Variants in RYR2 observed in about 807,000 individuals in gnomAD.
RYR2 encodes the protein ryanodine receptor 2.
Under a neutral mutation model 601.1 loss-of-function variants are expected in RYR2, and 227 were observed. The observed-to-expected ratio is 0.38, with a 90% CI of 0.34 to 0.42. RYR2 has a LOEUF of 0.42. Among genes scored for constraint, RYR2 ranks in the 10% least tolerant of loss-of-function variants. The pLI is 1.00. For missense variants in RYR2, 4,646 were observed against 6,156.5 expected (o/e 0.75, Z 8.21); for synonymous variants, 2,223 against 2,175.1 (o/e 1.02, Z -0.61).
intron 1 of RYR2, among the ~76,000 whole-genome samples, chr1:237,236,993 T>A (rs1434949024): frequency 6.6e-6 from 1 of 152,138 alleles, no homozygotes; most frequent in Non-Finnish European, 1.5e-5. Flanking sequence ...GGTAGGTGGA[T>A]TCTCCCATGC....
chr1:237,631,470 A>T lies in RYR2; in HGVS notation c.6484A>T (p.Met2162Leu). The T allele has an allele frequency of 1.3e-6, 2 of 1,591,224 alleles. No homozygotes were observed. Among genetic ancestry groups the T allele is most frequent in the Non-Finnish European group, 8.6e-7 (1 of 1,161,490 alleles). The change falls in exon 42 of 105, where the codon ATG becomes TTG. Residue 2162 changes from methionine to leucine, a missense_variant. Met to Leu is a conservative substitution (Grantham distance 15). Around this residue, in one of 17 missense-constraint regions of RYR2, gnomAD observed 137 missense variants for 273.6 expected, o/e 0.50. Coordinates refer to ENST00000366574, the MANE Select transcript of RYR2 (RefSeq NM_001035.3). ...AGTGTTTTACCAGCACCCTAATCTC[A>T]TGAGGGCACTGGGGATGCACGAGAC... is the stretch of plus-strand genomic sequence containing the variant. ...NKVFYQHPNL[M>L]RALGMHETVM...
chr1:237,079,691 T>C (rs1229146381), intron 1 of RYR2, among the ~76,000 whole-genome samples: 1 of 132,636 alleles, frequency 7.5e-6, no homozygotes, highest in East Asian at 2.1e-4. Flanking sequence ...ATCGTGAAAA[T>C]GGCCATACTG....
intron 12 of RYR2, among the ~76,000 whole-genome samples, chr1:237,429,070 G>A (rs1225786020): frequency 6.6e-6 from 1 of 152,014 alleles, no homozygotes; most frequent in Non-Finnish European, 1.5e-5. Flanking sequence ...CTGGGAACTG[G>A]GAACATGCCA....
chr1:237,273,710 A>G (rs1306162471), intron 2 of RYR2, among the ~76,000 whole-genome samples: 2 of 151,806 alleles, frequency 1.3e-5, no homozygotes, highest in African/African-American at 4.8e-5. Flanking sequence ...GAGATAAATA[A>G]TATATTAGCT....
In RYR2 at chr1:237,496,595, A is replaced by G. The variant is rs116098815; in HGVS notation, c.2046A>G (p.Thr682=). Residue 682 remains threonine, a synonymous_variant, in exon 20 of 105, where the codon ACA becomes ACG. Coordinates refer to ENST00000366574, the MANE Select transcript of RYR2 (RefSeq NM_001035.3). Reference sequence around the variant, plus strand: ...ACTATGAATTGATGGTGGACCACACAGAGCCCTTTGTGACAGCTGAAGCAA... The same window carrying G: ...ACTATGAATTGATGGTGGACCACACGGAGCCCTTTGTGACAGCTGAAGCAA... ...KWYYELMVDH[T]EPFVTAEATH... 2,129 of 1,614,000 alleles carry G rather than the reference A, an allele frequency of 1.3e-3. 23 individuals are homozygous for G. In the African/African-American group the frequency reaches 0.023, roughly 18 times the overall value.
intron 27 of RYR2, among the ~76,000 whole-genome samples, chr1:237,556,748 C>A (rs769848622): frequency 6.6e-6 from 1 of 151,830 alleles, no homozygotes; most frequent in African/African-American, 2.4e-5. Context: ...CACTACCATA[C>A]AATGAAAGTG....
intron 8 of RYR2, among the ~76,000 whole-genome samples, chr1:237,383,496 C>G (rs1026145407): frequency 1.1e-4 from 14 of 122,284 alleles, no homozygotes; most frequent in African/African-American, 4.0e-4. Flanking sequence ...GGGGCACGAT[C>G]TCGGCTCGCT....
At chr1:237,091,869 G>T (rs533943192) in intron 1 of RYR2, among the ~76,000 whole-genome samples, 3 of 152,322 alleles carry the variant, frequency 2.0e-5, no homozygotes, top group Admixed American at 2.0e-4. Context: ...TAGACTGAAG[G>T]TGCCCTGGAA....
At chr1:237,512,030 G>A (rs774043281) in intron 24 of RYR2, among the ~76,000 whole-genome samples, 12 of 152,100 alleles carry the variant, frequency 7.9e-5, no homozygotes, top group Non-Finnish European at 1.5e-4. Flanking sequence ...GTGTCCTACA[G>A]GTGTATATGG....
intron 63 of RYR2, among the ~76,000 whole-genome samples, chr1:237,689,726 A>C (rs887622462): frequency 6.6e-6 from 1 of 152,164 alleles, no homozygotes; most frequent in African/African-American, 2.4e-5. Flanking sequence ...TTATATTATT[A>C]AAGTGTATGT....
intron 1 of RYR2, among the ~76,000 whole-genome samples, chr1:237,179,811 G>A (rs540165446): frequency 2.6e-4 from 40 of 152,184 alleles, no homozygotes; most frequent in African/African-American, 5.3e-4. Flanking sequence ...CTGGAGAAGC[G>A]TGGGGGAATC....
chr1:237,120,642 CA>C (rs2148645649), intron 1 of RYR2, among the ~76,000 whole-genome samples: 1 of 152,246 alleles, frequency 6.6e-6, no homozygotes, highest in African/African-American at 2.4e-5. Flanking sequence ...AAAGTATCAA[CA>C]ATAGTCGAAC....
chr1:237,680,768 T>G (rs1685806587), intron 62 of RYR2, among the ~76,000 whole-genome samples, 191 bp downstream of exon 62: 2 of 152,196 alleles, frequency 1.3e-5, no homozygotes, highest in South Asian at 2.1e-4. Flanking sequence ...GATGTTGAGT[T>G]TCTTTATATT....
At chr1:237,170,355 C>T (rs1042136884) in intron 1 of RYR2, among the ~76,000 whole-genome samples, 4 of 151,990 alleles carry the variant, frequency 2.6e-5, no homozygotes, top group Non-Finnish European at 4.4e-5. Flanking sequence ...TTGAAGGCAT[C>T]GGGAGGGAGT....
At chr1:237,807,373 CAG>C (rs1660745692) in intron 99 of RYR2, among the ~76,000 whole-genome samples, 1 of 152,140 alleles carries the variant, frequency 6.6e-6, no homozygotes, top group Non-Finnish European at 1.5e-5. Context: ...GTTTTTAAGA[CAG>C]AGTCTTGCTC....
intron 20 of RYR2, among the ~76,000 whole-genome samples, chr1:237,499,211 A>G (rs1219014295): frequency 2.0e-5 from 3 of 152,176 alleles, no homozygotes; most frequent in Middle Eastern, 3.4e-3. Context: ...CATAAGCAAA[A>G]GTTTTTAGCT....
At chr1:237,233,232 G>T (rs1685178156) in intron 1 of RYR2, among the ~76,000 whole-genome samples, 1 of 152,196 alleles carries the variant, frequency 6.6e-6, no homozygotes, top group Non-Finnish European at 1.5e-5. Context: ...TGTTTGGTAA[G>T]TATCTGTGTT....
intron 2 of RYR2, among the ~76,000 whole-genome samples, chr1:237,320,103 TAA>T (rs1162572635): frequency 6.6e-6 from 1 of 152,210 alleles, no homozygotes; most frequent in African/African-American, 2.4e-5. Flanking sequence ...TTTTTAAGCA[TAA>T]AAGTTTCTTA....
At chr1:237,130,797 A>G (rs1672084457) in intron 1 of RYR2, among the ~76,000 whole-genome samples, 1 of 152,228 alleles carries the variant, frequency 6.6e-6, no homozygotes, top group Non-Finnish European at 1.5e-5. Context: ...TTTTCTCTAG[A>G]GAAAGATAAC....
Sources: gnomAD v4.1 joint callset for allele counts (sites outside exome capture counted in the v4.1 genomes callset) on GRCh38, gnomAD v4.1.1 for gene constraint, gnomAD v4.1.1 regional missense constraint, MANE v1.5 for transcripts, NCBI Gene and HGNC (gene_info 2026-07-23, HGNC 2026-07-21) for gene names.